PRKN: variants seen among roughly 807,000 people sequenced by gnomAD.
PRKN encodes parkin RBR E3 ubiquitin protein ligase, also known as E3 ubiquitin-protein ligase parkin.
A neutral mutation model predicts 59.5 loss-of-function variants in PRKN; 56 were observed. That is an observed-to-expected ratio of 0.94 (90% confidence interval 0.76 to 1.18). The LOEUF (loss-of-function observed/expected upper bound fraction) is 1.18. PRKN is among the 50% of genes most tolerant of loss of function. The pLI is 0.00. For missense variants in PRKN, 657 were observed against 596.4 expected (o/e 1.10, Z -1.06); for synonymous variants, 250 against 222.1 (o/e 1.13, Z -1.12).
intron 1 of PRKN, among the ~76,000 whole-genome samples, chr6:162,552,330 G>A (rs542493199): frequency 1.3e-5 from 2 of 152,248 alleles, no homozygotes; most frequent in South Asian, 2.1e-4. Context: ...ACCGATCTAC[G>A]TTTTAATAAG....
At chr6:161,977,007 T>C (rs1292770663) in intron 5 of PRKN, among the ~76,000 whole-genome samples, 1 of 152,228 alleles carries the variant, frequency 6.6e-6, no homozygotes, top group Non-Finnish European at 1.5e-5. Flanking sequence ...ACATATAGTG[T>C]TGATAAAACT....
At chr6:162,277,711 GC>G (rs149380001) in intron 2 of PRKN, among the ~76,000 whole-genome samples, 4,802 of 152,220 alleles carry the variant, frequency 0.032, 238 homozygotes, top group African/African-American at 0.11. Context: ...TCCTCAGGGA[GC>G]AGCAAATTAA....
intron 1 of PRKN, among the ~76,000 whole-genome samples, chr6:162,549,416 C>T (rs1779245157): frequency 6.6e-6 from 1 of 152,160 alleles, no homozygotes; most frequent in Admixed American, 6.5e-5. Context: ...TATCATTTCT[C>T]AGACATTATA....
rs112108992 is a variant in PRKN, at chr6:162,252,336, C to T, written c.412+10189G>A. Among the ~76,000 whole-genome samples, 275 of 152,274 alleles carry T rather than the reference C, an allele frequency of 1.8e-3. 1 individual carries two copies. The highest frequency in any genetic ancestry group is 6.2e-3 in the African/African-American group (257 of 41,534). ...GAATTCAGGAATAAGGTTTGCCTAT[C>T]TGTATATAGAATTTTGAAGTCAGGG... On this transcript the variant is annotated intron_variant, in intron 3 of 11. Coordinates refer to ENST00000366898, the MANE Select transcript of PRKN (RefSeq NM_004562.3).
chr6:161,709,291 C>T (rs7748610), intron 7 of PRKN, among the ~76,000 whole-genome samples: 80,130 of 151,986 alleles, frequency 0.53, 22,100 homozygotes, highest in African/African-American at 0.66. Context: ...ATTTTAATTA[C>T]TTTAAATGAA....
intron 1 of PRKN, among the ~76,000 whole-genome samples, chr6:162,634,248 G>A (rs1777624949): frequency 6.6e-6 from 1 of 152,048 alleles, no homozygotes. Flanking sequence ...GTCTGCAAAG[G>A]GCCAGGTGGT....
chr6:161,674,375 T>C (rs1309860845), intron 7 of PRKN, among the ~76,000 whole-genome samples: 1 of 152,098 alleles, frequency 6.6e-6, no homozygotes, highest in East Asian at 1.9e-4. Flanking sequence ...ACCACACTCA[T>C]CTGCATTATC....
chr6:162,621,618 T>A (rs2846523), intron 1 of PRKN, among the ~76,000 whole-genome samples: 2,136 of 152,242 alleles, frequency 0.014, 24 homozygotes, highest in Non-Finnish European at 0.023. Context: ...ACATAACAAA[T>A]GTTAATTGAC....
intron 6 of PRKN, among the ~76,000 whole-genome samples, chr6:161,916,200 C>T (rs1229151121): frequency 6.6e-6 from 1 of 152,112 alleles, no homozygotes; most frequent in Non-Finnish European, 1.5e-5. Context: ...GTATTTCTGG[C>T]CTTATGAAGA....
chr6:161,715,501 TA>T (rs1786936685), intron 7 of PRKN, among the ~76,000 whole-genome samples: 1 of 152,148 alleles, frequency 6.6e-6, no homozygotes, highest in Admixed American at 6.5e-5. Context: ...TCATTAAAAA[TA>T]AAGGAGATTA....
chr6:161,985,451 A>T (rs1042100224), intron 5 of PRKN, among the ~76,000 whole-genome samples: 1 of 152,142 alleles, frequency 6.6e-6, no homozygotes, highest in Non-Finnish European at 1.5e-5. Flanking sequence ...CCTCCAGGAG[A>T]GGACATATAA....
intron 9 of PRKN, among the ~76,000 whole-genome samples, chr6:161,469,997 C>T (rs1015610246): frequency 3.3e-5 from 5 of 152,108 alleles, no homozygotes; most frequent in Non-Finnish European, 5.9e-5. Context: ...TACTATGAAC[C>T]GGGCATTGCT....
intron 2 of PRKN, among the ~76,000 whole-genome samples, chr6:162,285,173 C>A (rs1781124019): frequency 6.6e-6 from 1 of 150,542 alleles, no homozygotes. Context: ...AGTGAAGGTT[C>A]ATTTTATACA....
In PRKN at chr6:161,376,690, G is replaced by A. The variant is rs1297610621; in HGVS notation, c.1167+10104C>T. 2.0e-5 allele frequency among the ~76,000 whole-genome samples: 3 copies of A among 152,118 alleles called. No individual in the cohort carries two copies. The highest frequency in any genetic ancestry group is 2.9e-5 in the Non-Finnish European group (2 of 68,028). On this transcript the variant is annotated intron_variant, in intron 10 of 11. Transcript: ENST00000366898. This position sits in a 1 kb window ranked among gnomAD's most constrained non-coding sequence, Gnocchi z 7.3. The stretch of plus-strand genomic sequence containing the variant: ...ACGCCCAGTGGTGGAGGGTGGATGC[G>A]AAGGGCTCACCTCTAGCCTCCTACC...
chr6:162,014,883 T>C (rs151020463), intron 5 of PRKN, among the ~76,000 whole-genome samples: 52 of 152,112 alleles, frequency 3.4e-4, no homozygotes, highest in African/African-American at 1.2e-3. Context: ...CATGCCTTTT[T>C]CCCAGCTGCA....
intron 7 of PRKN, among the ~76,000 whole-genome samples, chr6:161,784,548 G>C (rs931251934): frequency 1.3e-5 from 2 of 152,076 alleles, no homozygotes; most frequent in African/African-American, 4.8e-5. Context: ...ACAGTCATTA[G>C]AGAAATGAAA....
intron 4 of PRKN, among the ~76,000 whole-genome samples, chr6:162,094,038 G>C (rs1415039254): frequency 6.6e-6 from 1 of 152,186 alleles, no homozygotes; most frequent in Non-Finnish European, 1.5e-5. Flanking sequence ...GCTCAAGCAA[G>C]ATAAGCACTG....
intron 6 of PRKN, among the ~76,000 whole-genome samples, chr6:161,897,753 G>A (rs780249544): frequency 6.0e-5 from 9 of 150,894 alleles, no homozygotes; most frequent in Non-Finnish European, 8.8e-5. Flanking sequence ...AGGCTGAGGC[G>A]GGTGGATCAC....
chr6:162,723,019 C>T (rs1778992783), intron 1 of PRKN, among the ~76,000 whole-genome samples: 2 of 152,150 alleles, frequency 1.3e-5, no homozygotes, highest in East Asian at 3.9e-4. Flanking sequence ...ATCAAAATGG[C>T]AGGGCAAAGA....
Sources: gnomAD v4.1 joint callset for allele counts (sites outside exome capture counted in the v4.1 genomes callset) on GRCh38, gnomAD v4.1.1 for gene constraint, Gnocchi (gnomAD v3.1) non-coding constraint, MANE v1.5 for transcripts, NCBI Gene and HGNC (gene_info 2026-07-23, HGNC 2026-07-21) for gene names.